The following ENPEP variants were observed in gnomAD, a reference collection of about 807,000 sequenced individuals.
The protein encoded by ENPEP is AP-A.
ENPEP carries 103 observed loss-of-function variants against 114.5 expected under a neutral mutation model. The ratio of observed to expected loss-of-function variants is 0.90; its 90% CI spans 0.77 to 1.06. ENPEP has a LOEUF of 1.06. Ranked by LOEUF, ENPEP falls within the 50% of genes least tolerant of loss-of-function variation. The pLI is 0.00. For synonymous variants in ENPEP, 420 were observed against 422.0 expected (o/e 1.00, Z 0.06); for missense variants, 1,196 against 1,161.3 (o/e 1.03, Z -0.43).
chr4:110,520,485 T>G, intron 10 of ENPEP, 119 bp downstream of exon 10: 1 of 1,064,736 alleles, frequency 9.4e-7, no homozygotes, highest in Non-Finnish European at 1.4e-6. Flanking sequence ...AAAGCCACAG[T>G]GCCTTTAGGG....
intron 8 of ENPEP, chr4:110,518,967 T>A (rs928511102): frequency 1.2e-5 from 5 of 422,376 alleles, no homozygotes; most frequent in Admixed American, 7.7e-5. Flanking sequence ...ATATTAGACA[T>A]TTGATTTACC....
intron 2 of ENPEP, among the ~76,000 whole-genome samples, 198 bp downstream of exon 2, chr4:110,488,880 A>G (rs1448107728): frequency 6.6e-6 from 1 of 152,194 alleles, no homozygotes; most frequent in Non-Finnish European, 1.5e-5. Flanking sequence ...CAGTCCAGTA[A>G]GAAAGCCAGA....
intron 18 of ENPEP, among the ~76,000 whole-genome samples, chr4:110,553,955 C>T (rs1294617291): frequency 6.6e-6 from 1 of 151,850 alleles, no homozygotes; most frequent in African/African-American, 2.4e-5. Flanking sequence ...ATTTCCTAGG[C>T]AATAGAACTT....
chr4:110,549,699 ACT>A lies in ENPEP; in HGVS notation c.2331-16_2331-15del, dbSNP rs750829931. 1.2e-6 allele frequency: 2 copies of A among 1,612,798 alleles called. No individual in the cohort carries two copies. The highest frequency in any genetic ancestry group is 1.1e-5 in the South Asian group (1 of 91,016). ...AAAGAGTAGTTGAAATCTCTGAAAC[ACT>A]GTTTCTTCTTCTAGCCTTCCCGTAA... On this transcript the variant is annotated splice_polypyrimidine_tract_variant and intron_variant, in intron 16 of 19. Coordinates refer to ENST00000265162, the MANE Select transcript of ENPEP (RefSeq NM_001977.4).
chr4:110,537,889 A>C (rs1432684715), intron 11 of ENPEP, among the ~76,000 whole-genome samples: 1 of 152,232 alleles, frequency 6.6e-6, no homozygotes, highest in Non-Finnish European at 1.5e-5. Context: ...ATGACCAGGC[A>C]CACTGTCAAT....
chr4:110,521,343 C>A (rs1725980826), intron 10 of ENPEP, among the ~76,000 whole-genome samples: 1 of 152,010 alleles, frequency 6.6e-6, no homozygotes, highest in Admixed American at 6.6e-5. Context: ...CACAACACTG[C>A]ACTCCAGCCT....
rs181993116 is a variant in ENPEP at position 110,486,523 on chromosome 4, C to T, written c.645-2018C>T. Among the ~76,000 whole-genome samples the T allele has an allele frequency of 3.0e-4, 46 of 152,304 alleles. No homozygotes were observed. In the East Asian group the frequency reaches 6.4e-3, roughly 21 times the overall value. ...TTCTACTTGAACATGTTTCCCTGAA[C>T]CTCCACTTGCCTGGCTTTTTCTCAT... On this transcript the variant is annotated intron_variant, in intron 1 of 19. Transcript: ENST00000265162.
intron 2 of ENPEP, among the ~76,000 whole-genome samples, chr4:110,488,975 C>G (rs1253115422): frequency 1.3e-5 from 2 of 152,098 alleles, no homozygotes; most frequent in Non-Finnish European, 2.9e-5. Flanking sequence ...TGAGTCGTGA[C>G]AGATTACAGT....
intron 3 of ENPEP, among the ~76,000 whole-genome samples, chr4:110,501,935 G>A (rs2110346654): frequency 6.6e-6 from 1 of 152,186 alleles, no homozygotes; most frequent in South Asian, 2.1e-4. Flanking sequence ...TTCTCTACAA[G>A]TTTGCCAGCA....
rs150775957 is a variant in ENPEP at position 110,502,413 on chromosome 4, T to C, written c.919-4224T>C. On this transcript the variant is annotated intron_variant, in intron 3 of 19. Transcript: ENST00000265162. ...TTCCAGGGTTTTTATAGTTTTAGGT[T>C]TTACACTTTTTAACCTGTCTTGAGT... Among the ~76,000 whole-genome samples the C allele has an allele frequency of 1.4e-3, 219 of 152,258 alleles. 1 individual carries two copies. Among genetic ancestry groups the C allele is most frequent in the Non-Finnish European group, 2.2e-3 (148 of 67,984 alleles).
intron 4 of ENPEP, 48 bp from the exon 5 acceptor site, chr4:110,509,605 A>G: frequency 6.4e-7 from 1 of 1,569,896 alleles, no homozygotes; most frequent in East Asian, 2.2e-5. Context: ...AAAGCTATGA[A>G]CAAATGGAAA....
chr4:110,509,723 G>T lies in ENPEP; in HGVS notation c.1110G>T (p.Thr370=), dbSNP rs780316413. The part of the protein sequence containing the change: ...ENWGLITYRE[T]NLLYDPKESA... ...GGGGACTCATCACGTACAGAGAAAC[G>T]AACCTGCTTTATGACCCTAAGGAAT... Residue 370 remains threonine (T), a synonymous_variant, in exon 5 of 20, where the codon ACG becomes ACT. Transcript: ENST00000265162. The T allele has an allele frequency of 6.2e-7, 1 of 1,614,186 alleles. No individual in the cohort carries two copies. The highest frequency in any genetic ancestry group is 1.3e-5 in the African/African-American group (1 of 75,052).
At chr4:110,520,473 A>C in intron 10 of ENPEP, 107 bp downstream of exon 10, 1 of 1,189,472 alleles carries the variant, frequency 8.4e-7, no homozygotes, top group Non-Finnish European at 1.2e-6. Context: ...ATATACAAGT[A>C]TAAAGCCACA....
intron 3 of ENPEP, chr4:110,506,205 A>C (rs1040846362): frequency 6.8e-6 from 1 of 147,974 alleles, no homozygotes; most frequent in Non-Finnish European, 1.5e-5. Context: ...AGAGAGAAAG[A>C]GACAGAGACA....
intron 9 of ENPEP, 57 bp from the exon 10 acceptor site, chr4:110,520,157 TC>T: frequency 6.3e-7 from 1 of 1,595,924 alleles, no homozygotes; most frequent in Non-Finnish European, 8.6e-7. Flanking sequence ...AACTATTCTA[TC>T]CTTTTATTTT....
Position 110,509,802 on chromosome 4 carries a change from C to T in ENPEP, c.1189C>T (p.His397Tyr). ...VATVVAHELVHQWFGNIVTMD... is the reference protein window; with the variant it reads ...VATVVAHELVYQWFGNIVTMD... The stretch of plus-strand genomic sequence containing the variant: ...CACTGTGGTTGCCCATGAACTTGTG[C>T]ATCAGGTACAGAATCTTAGCACTGA... Residue 397 changes from histidine to tyrosine, a missense_variant, in exon 5 of 20, where the codon CAT becomes TAT. Transcript: ENST00000265162. 6.2e-7 allele frequency: 1 copy of T among 1,612,868 alleles called. No individual in the cohort carries two copies. The highest frequency in any genetic ancestry group is 1.1e-5 in the South Asian group (1 of 90,636).
chr4:110,515,884 CAG>C (rs139525131), intron 8 of ENPEP: 24,565 of 372,940 alleles, frequency 0.066, no homozygotes, highest in South Asian at 0.1. Context: ...GTCCTCATAG[CAG>C]AGAGAGAGAG....
chr4:110,545,231 C>T lies in ENPEP; in HGVS notation c.2000+2161C>T, dbSNP rs1727011786. On this transcript the variant is annotated intron_variant, in intron 13 of 19. Transcript: ENST00000265162. ...TAACCATTATATTTAATAATCAGAA[C>T]TAAATGATACATCTGAAAATAAATG... 2.0e-5 allele frequency among the ~76,000 whole-genome samples: 3 copies of T among 152,022 alleles called. No homozygotes were observed. The South Asian group carries it at 6.2e-4, about 32-fold the overall frequency.
chr4:110,515,513 T>C (rs1725731180), intron 8 of ENPEP, 71 bp downstream of exon 8: 3 of 1,225,568 alleles, frequency 2.4e-6, no homozygotes, highest in Admixed American at 2.1e-5. Context: ...TGTTAAGATA[T>C]GTGATTAATC....
Sources: gnomAD v4.1 joint callset for allele counts (sites outside exome capture counted in the v4.1 genomes callset) on GRCh38, gnomAD v4.1.1 for gene constraint, MANE v1.5 for transcripts, NCBI Gene and HGNC (gene_info 2026-07-23, HGNC 2026-07-21) for gene names.